The following MEIS2 variants were observed in gnomAD, a reference collection of about 807,000 sequenced individuals.
The protein encoded by MEIS2 is Meis homeobox 2, also known as homeobox protein Meis2.
Under a neutral mutation model 58.6 loss-of-function variants are expected in MEIS2, and 9 were observed. That is an observed-to-expected ratio of 0.15 (90% CI 0.09 to 0.27). The LOEUF (loss-of-function observed/expected upper bound fraction) is 0.27, where lower values mean the gene tolerates loss of function less well. Ranked by LOEUF, MEIS2 falls within the 10% of genes least tolerant of loss-of-function variation. The pLI is 1.00. For synonymous variants in MEIS2, 221 were observed against 228.4 expected (o/e 0.97, Z 0.29); for missense variants, 427 against 635.0 (o/e 0.67, Z 3.52).
intron 7 of MEIS2, among the ~76,000 whole-genome samples, chr15:37,071,093 C>T (rs537353941): frequency 2.6e-5 from 4 of 151,984 alleles, no homozygotes; most frequent in Non-Finnish European, 5.9e-5. Flanking sequence ...GCACAAACTC[C>T]CCAGTCTGCT....
intron 8 of MEIS2, among the ~76,000 whole-genome samples, chr15:37,032,990 T>C (rs189907430): frequency 3.9e-4 from 59 of 152,252 alleles, no homozygotes; most frequent in Non-Finnish European, 2.9e-5. Flanking sequence ...CCCCCTGAAG[T>C]TGGTGGTGCA....
chr15:37,054,991 A>G (rs2063077838), intron 7 of MEIS2, among the ~76,000 whole-genome samples: 3 of 152,188 alleles, frequency 2.0e-5, no homozygotes, highest in African/African-American at 7.2e-5. Flanking sequence ...CCTTTGTTTA[A>G]TTCTCATCAT....
chr15:36,989,330 C>G (rs1046087822), intron 8 of MEIS2, among the ~76,000 whole-genome samples: 3 of 152,186 alleles, frequency 2.0e-5, no homozygotes, highest in African/African-American at 7.2e-5. Flanking sequence ...TGCCCAGCTG[C>G]CACCTTATCA....
In MEIS2 at chr15:36,960,334, A is replaced by G. The variant is rs2059139291; in HGVS notation, c.901-9934T>C. On this transcript the variant is annotated intron_variant, in intron 8 of 11. Transcript: ENST00000561208. Reference sequence around the variant, plus strand: ...TTCTTTGCTCATCTCAGAGTATGGGATAACAGAATGGGGTTAATGATAAGT... The same window carrying G: ...TTCTTTGCTCATCTCAGAGTATGGGGTAACAGAATGGGGTTAATGATAAGT... 3.3e-5 allele frequency among the ~76,000 whole-genome samples: 5 copies of G among 151,932 alleles called. No individual in the cohort carries two copies. In the South Asian group the frequency reaches 1.0e-3, roughly 32 times the overall value.
intron 8 of MEIS2, among the ~76,000 whole-genome samples, chr15:37,021,471 G>T (rs75162890): frequency 5.3e-5 from 8 of 152,144 alleles, no homozygotes; most frequent in Non-Finnish European, 8.8e-5. Flanking sequence ...TATGACAAAG[G>T]CCTGTCTAAT....
chr15:36,950,475 AC>A, intron 8 of MEIS2, 75 bp from the exon 9 acceptor site: 5 of 1,380,778 alleles, frequency 3.6e-6, no homozygotes, highest in Non-Finnish European at 5.1e-6. Context: ...GAATAAAACC[AC>A]CGTTGGTGAT....
chr15:37,040,730 T>C (rs1463283512), intron 7 of MEIS2, among the ~76,000 whole-genome samples: 1 of 152,186 alleles, frequency 6.6e-6, no homozygotes, highest in Non-Finnish European at 1.5e-5. Flanking sequence ...AAACATATTG[T>C]GTGTGACCAT....
At chr15:36,979,321 T>C (rs1044170712) in intron 8 of MEIS2, among the ~76,000 whole-genome samples, 1 of 152,174 alleles carries the variant, frequency 6.6e-6, no homozygotes, top group Non-Finnish European at 1.5e-5. Context: ...TATGCATATA[T>C]TCAAAATCTG....
chr15:37,082,822 T>C (rs1295220589), intron 7 of MEIS2, among the ~76,000 whole-genome samples: 1 of 152,080 alleles, frequency 6.6e-6, no homozygotes, highest in African/African-American at 2.4e-5. Flanking sequence ...AAAGGCACCC[T>C]ACTTACATCA....
At chr15:37,043,320 T>C (rs559773696) in intron 7 of MEIS2, among the ~76,000 whole-genome samples, 5 of 152,298 alleles carry the variant, frequency 3.3e-5, no homozygotes, top group South Asian at 2.1e-4. Context: ...AAATTTACCA[T>C]ATTCATTAAC....
chr15:36,946,811 A>G (rs1010318394), intron 9 of MEIS2, among the ~76,000 whole-genome samples: 7 of 151,986 alleles, frequency 4.6e-5, no homozygotes, highest in Non-Finnish European at 1.0e-4. Context: ...AAGGTCAAAC[A>G]TCTATCAAAT....
chr15:37,078,646 A>G (rs1279581291), intron 7 of MEIS2, among the ~76,000 whole-genome samples: 3 of 150,172 alleles, frequency 2.0e-5, no homozygotes, highest in Non-Finnish European at 4.4e-5. Context: ...CAAAAAAGAA[A>G]ACTCATTTTC....
chr15:36,991,255 CTTT>C (rs10713560), intron 8 of MEIS2, among the ~76,000 whole-genome samples: 4 of 146,816 alleles, frequency 2.7e-5, no homozygotes, highest in Admixed American at 6.8e-5. Flanking sequence ...ATTTTTCTCT[CTTT>C]TTTTTTTTTG....
At chr15:37,078,219 G>A (rs1891677760) in intron 7 of MEIS2, among the ~76,000 whole-genome samples, 1 of 151,944 alleles carries the variant, frequency 6.6e-6, no homozygotes, top group African/African-American at 2.4e-5. Context: ...TCTAGAACTG[G>A]ACAGAGAAAC....
At chr15:37,086,787 A>T (rs1206672890) in intron 6 of MEIS2, among the ~76,000 whole-genome samples, 2 of 152,216 alleles carry the variant, frequency 1.3e-5, no homozygotes, top group Admixed American at 1.3e-4. Flanking sequence ...GTATTGAGCT[A>T]CACAAGGTGG....
intron 8 of MEIS2, among the ~76,000 whole-genome samples, chr15:36,979,412 T>C (rs2059860169): frequency 6.6e-6 from 1 of 152,134 alleles, no homozygotes; most frequent in African/African-American, 2.4e-5. Flanking sequence ...TTCAGCATAA[T>C]ATGAAAGTGT....
intron 8 of MEIS2, among the ~76,000 whole-genome samples, chr15:36,998,704 T>C (rs1364878078): frequency 1.3e-5 from 2 of 152,184 alleles, no homozygotes; most frequent in Admixed American, 6.5e-5. Context: ...TTCCAAACTA[T>C]TTTCGGCCAT....
chr15:37,009,651 A>G (rs890524718), intron 8 of MEIS2, among the ~76,000 whole-genome samples: 20 of 152,240 alleles, frequency 1.3e-4, no homozygotes, highest in Non-Finnish European at 1.5e-4. Flanking sequence ...AAGTCATTCA[A>G]TTTGGAAAAA....
At chr15:36,938,128 T>A (rs17434381) in intron 9 of MEIS2, among the ~76,000 whole-genome samples, 28,126 of 152,026 alleles carry the variant, frequency 0.19, 2,881 homozygotes, top group Middle Eastern at 0.22. Context: ...TCAGGGACCC[T>A]CTAAATCAAA....
Sources: allele counts gnomAD v4.1 joint callset (sites outside exome capture counted in the v4.1 genomes callset), GRCh38; gene constraint gnomAD v4.1.1; transcripts MANE v1.5; gene names NCBI Gene and HGNC (gene_info 2026-07-23, HGNC 2026-07-21).